The following COL23A1 variants were observed in gnomAD, a reference collection of about 807,000 sequenced individuals.
COL23A1 encodes collagen alpha-1(XXIII) chain.
Under a neutral mutation model 99.3 loss-of-function variants are expected in COL23A1, and 97 were observed. That is an observed-to-expected ratio of 0.98 (90% CI 0.83 to 1.16). COL23A1 has a LOEUF of 1.16. COL23A1 is among the 50% of genes most tolerant of loss of function. COL23A1 has a pLI of 0.00. For missense variants in COL23A1, 762 were observed against 757.4 expected (o/e 1.01, Z -0.07); for synonymous variants, 320 against 308.2 (o/e 1.04, Z -0.40).
intron 2 of COL23A1, among the ~76,000 whole-genome samples, chr5:178,331,540 C>G (rs1004598253): frequency 2.6e-5 from 4 of 152,232 alleles, no homozygotes; most frequent in Non-Finnish European, 5.9e-5. Flanking sequence ...TGTAAATGGT[C>G]CCCAAGGAAT....
At chr5:178,448,052 G>A (rs1333849532) in intron 2 of COL23A1, among the ~76,000 whole-genome samples, 1 of 152,214 alleles carries the variant, frequency 6.6e-6, no homozygotes, top group Non-Finnish European at 1.5e-5. Context: ...TTGAGAGGTG[G>A]GGGTGCTTAG....
At chr5:178,349,902 T>C (rs1288333147) in intron 2 of COL23A1, among the ~76,000 whole-genome samples, 1 of 152,100 alleles carries the variant, frequency 6.6e-6, no homozygotes, top group Non-Finnish European at 1.5e-5. Context: ...GGGTACTCTC[T>C]CCCTCCCAGG....
intron 11 of COL23A1, among the ~76,000 whole-genome samples, chr5:178,260,709 A>G (rs531304646): frequency 1.3e-5 from 2 of 152,326 alleles, no homozygotes; most frequent in South Asian, 2.1e-4. Context: ...CAGAAGAATC[A>G]CTTGAAACCA....
rs1360537290 is a variant in COL23A1 at position 178,242,251 on chromosome 5, G to C, written c.1494+90C>G. The C allele has an allele frequency of 2.0e-6, 3 of 1,507,608 alleles. No homozygotes were observed. The African/African-American group carries it at 4.2e-5, about 21-fold the overall frequency. The allele number at this position is 1,507,608 out of a possible 1,614,324, so 93.4% of individuals were successfully genotyped here. The stretch of plus-strand genomic sequence containing the variant: ...GCCTCCGCCCACCTGCCCGGCCTGG[G>C]TTCTCTCTACCTGCTTCACCTGAGC... On this transcript the variant is annotated intron_variant, in intron 26 of 28. Coordinates refer to ENST00000390654, the MANE Select transcript of COL23A1 (RefSeq NM_173465.4).
At chr5:178,342,726 C>T (rs566575066) in intron 2 of COL23A1, among the ~76,000 whole-genome samples, 1 of 152,232 alleles carries the variant, frequency 6.6e-6, no homozygotes, top group Non-Finnish European at 1.5e-5. Flanking sequence ...TTGTTAACAA[C>T]CCTTTATCTC....
rs1397275841 is a variant in COL23A1 at position 178,257,531 on chromosome 5, C to T, written c.766G>A (p.Gly256Arg). ...DGTPSQPGPP[G>R]PKGEPGSMGP... ...GAGGGGCAGATACTCACCTTGGGCC[C>T]TGGTGGTCCAGGCTGGCTTGGTGTC... is the stretch of plus-strand genomic sequence containing the variant. The change falls in exon 13 of 29, where the codon GGG becomes AGG. Residue 256 changes from glycine (G) to arginine (R), a missense_variant. Gly to Arg is a moderately radical substitution (Grantham distance 125). Coordinates refer to ENST00000390654, the MANE Select transcript of COL23A1 (RefSeq NM_173465.4). 6.4e-7 allele frequency: 1 copy of T among 1,566,542 alleles called. No homozygotes were observed. The highest frequency in any genetic ancestry group is 8.7e-7 in the Non-Finnish European group (1 of 1,155,176).
intron 2 of COL23A1, among the ~76,000 whole-genome samples, chr5:178,355,357 G>A (rs1761579972): frequency 6.6e-6 from 1 of 152,124 alleles, no homozygotes; most frequent in African/African-American, 2.4e-5. Flanking sequence ...CTGCAGGGGG[G>A]TCCTGGAGCC....
At chr5:178,360,447 C>CT (rs1306943261) in intron 2 of COL23A1, among the ~76,000 whole-genome samples, 1 of 152,208 alleles carries the variant, frequency 6.6e-6, no homozygotes, top group Non-Finnish European at 1.5e-5. Flanking sequence ...CCGCATGCTC[C>CT]TGGGGAGCCA....
At chr5:178,269,286 G>GTCAT (rs2127561545) in intron 6 of COL23A1, among the ~76,000 whole-genome samples, 1 of 144,422 alleles carries the variant, frequency 6.9e-6, no homozygotes, top group East Asian at 2.1e-4. Flanking sequence ...CCCTGTATGA[G>GTCAT]TCATCCATCC....
Position 178,256,892 on chromosome 5 carries a change from C to T in COL23A1, c.811G>A (p.Gly271Ser), listed in dbSNP as rs766329689. 8.1e-6 allele frequency: 13 copies of T among 1,613,442 alleles called. No homozygotes were observed. Among genetic ancestry groups the T allele is most frequent in the Middle Eastern group, 1.6e-4 (1 of 6,080 alleles). ...PGSMGPRGEN[G>S]VDGAPGPKGE... ...TTCGGTCCTGGGGCACCGTCCACACCGTTCTCTCCCCGAGGCCCCATGCTC... is the reference window on the plus strand; with the variant it reads ...TTCGGTCCTGGGGCACCGTCCACACTGTTCTCTCCCCGAGGCCCCATGCTC... Residue 271 changes from glycine (G) to serine (S), a missense_variant, in exon 14 of 29, where the codon GGT becomes AGT. Transcript: ENST00000390654.
At position 178,293,370 on chromosome 5, in the gene COL23A1, G is replaced by A. The variant is rs117813006; in HGVS notation, c.407-3001C>T. Among the ~76,000 whole-genome samples, 11 of 152,162 alleles carry A rather than the reference G, an allele frequency of 7.2e-5. No homozygotes were observed. The East Asian group carries it at 9.7e-4, about 13-fold the overall frequency. On this transcript the variant is annotated intron_variant, in intron 3 of 28. Transcript: ENST00000390654. ...GAGGAAGAGTGCCTGGTGCTGCTAG[G>A]CATGTGCCATGGAGGTGGGAGTTCG... is the stretch of plus-strand genomic sequence containing the variant.
chr5:178,492,901 C>T (rs151269329), intron 2 of COL23A1, among the ~76,000 whole-genome samples: 72 of 152,122 alleles, frequency 4.7e-4, no homozygotes, highest in African/African-American at 1.5e-3. Context: ...GTTCCTTGTC[C>T]GTGAAATGCG....
chr5:178,319,306 T>C (rs1759154392), intron 2 of COL23A1, among the ~76,000 whole-genome samples: 1 of 152,088 alleles, frequency 6.6e-6, no homozygotes, highest in Admixed American at 6.5e-5. Context: ...TCCTCAACTC[T>C]CCATTCACCC....
intron 8 of COL23A1, chr5:178,265,594 G>C (rs1755837762): frequency 6.1e-6 from 5 of 814,790 alleles, no homozygotes; most frequent in Non-Finnish European, 7.4e-6. Flanking sequence ...CTGCAAACGT[G>C]GGGTGAGTTG....
At chr5:178,367,327 C>T (rs759387388) in intron 2 of COL23A1, among the ~76,000 whole-genome samples, 1 of 152,176 alleles carries the variant, frequency 6.6e-6, no homozygotes, top group Non-Finnish European at 1.5e-5. Context: ...TGGGTCACGC[C>T]TCTCTGTGTG....
At chr5:178,555,025 C>G (rs2113510284) in intron 2 of COL23A1, among the ~76,000 whole-genome samples, 1 of 152,254 alleles carries the variant, frequency 6.6e-6, no homozygotes, top group Non-Finnish European at 1.5e-5. Flanking sequence ...TAAAAAGGTA[C>G]CACAGACTGT....
chr5:178,473,996 C>A (rs1756900577), intron 2 of COL23A1, among the ~76,000 whole-genome samples: 3 of 152,190 alleles, frequency 2.0e-5, no homozygotes, highest in Non-Finnish European at 2.9e-5. Flanking sequence ...TGTAGACACA[C>A]TTTACCCACC....
intron 2 of COL23A1, among the ~76,000 whole-genome samples, chr5:178,389,056 T>C (rs1033369634): frequency 3.9e-5 from 6 of 152,290 alleles, no homozygotes; most frequent in East Asian, 3.9e-4. Context: ...ACCAAGGCAA[T>C]TGAAGCCTTC....
intron 1 of COL23A1, among the ~76,000 whole-genome samples, chr5:178,568,202 T>C (rs1256433528): frequency 6.6e-6 from 1 of 152,174 alleles, no homozygotes; most frequent in African/African-American, 2.4e-5. Context: ...GTCAAGGCCA[T>C]GCAAAGCAAG....
Sources: gnomAD v4.1 joint callset for allele counts (sites outside exome capture counted in the v4.1 genomes callset) on GRCh38, gnomAD v4.1.1 for gene constraint, MANE v1.5 for transcripts, NCBI Gene and HGNC (gene_info 2026-07-23, HGNC 2026-07-21) for gene names.